Variants in CARD6 observed in about 807,000 individuals in gnomAD.
CARD6 encodes caspase recruitment domain-containing protein 6.
CARD6 carries 27 observed loss-of-function variants against 23.6 expected under a neutral mutation model. The ratio of observed to expected loss-of-function variants is 1.14; its 90% CI spans 0.84 to 1.58. The LOEUF (loss-of-function observed/expected upper bound fraction) is 1.58. Ranked by LOEUF, CARD6 falls within the 40% of genes most tolerant of loss-of-function variation. The probability of loss-of-function intolerance (pLI) is 0.00; values close to 1 mark genes in which losing one functional copy is unlikely to be tolerated. For missense variants in CARD6, 1,214 were observed against 1,209.9 expected, an observed-to-expected ratio of 1.00 and a Z score of -0.05; for synonymous variants, 397 against 431.8, an observed-to-expected ratio of 0.92 and a Z score of 1.00.
At chr5:40,842,059 T>C (rs1363700081) in intron 1 of CARD6, among the ~76,000 whole-genome samples, 1 of 152,244 alleles carries the variant, frequency 6.6e-6, no homozygotes, top group Non-Finnish European at 1.5e-5. Context: ...AGCTGTATCT[T>C]TCACTTAGTA....
At chr5:40,850,153 G>A (rs531896570) in intron 2 of CARD6, among the ~76,000 whole-genome samples, 2 of 151,982 alleles carry the variant, frequency 1.3e-5, no homozygotes, top group African/African-American at 4.8e-5. Flanking sequence ...GGTGGCTAAC[G>A]CCTGTAATCC....
chr5:40,842,929 T>C (rs1395131975), intron 1 of CARD6, among the ~76,000 whole-genome samples: 2 of 152,202 alleles, frequency 1.3e-5, no homozygotes, highest in Non-Finnish European at 2.9e-5. Context: ...TCCCAGCTAC[T>C]TGGGAGACTG....
chr5:40,851,412 A>T (rs936051971), intron 2 of CARD6, among the ~76,000 whole-genome samples: 1 of 152,186 alleles, frequency 6.6e-6, no homozygotes, highest in Non-Finnish European at 1.5e-5. Context: ...TAGAAAAAGG[A>T]TGGGAAGCAA....
At chr5:40,850,196 C>T (rs571847792) in intron 2 of CARD6, among the ~76,000 whole-genome samples, 2 of 151,868 alleles carry the variant, frequency 1.3e-5, no homozygotes, top group African/African-American at 2.4e-5. Context: ...AGGCGCATCA[C>T]GAGGTCAGGA....
intron 1 of CARD6, among the ~76,000 whole-genome samples, chr5:40,842,175 G>A (rs1376978353): frequency 6.6e-6 from 1 of 152,160 alleles, no homozygotes; most frequent in Non-Finnish European, 1.5e-5. Flanking sequence ...GTTTTCTGGA[G>A]CAATTCCAGT....
chr5:40,851,627 C>T (rs1242482920), intron 2 of CARD6, among the ~76,000 whole-genome samples: 2 of 151,896 alleles, frequency 1.3e-5, no homozygotes, highest in Non-Finnish European at 2.9e-5. Context: ...ACCAGCCTAG[C>T]CAACATGGTG....
intron 1 of CARD6, among the ~76,000 whole-genome samples, chr5:40,841,923 C>G (rs1479164390): frequency 6.6e-6 from 1 of 152,114 alleles, no homozygotes; most frequent in Non-Finnish European, 1.5e-5. Flanking sequence ...TAACAAACTG[C>G]TCATTATTCT....
chr5:40,852,165 CTCCTACA>C lies in CARD6; in HGVS notation c.842-8_842-2del. ...AACATGGCATTCACTATTATCTTCT[CTCCTACA>C]GAAAGAAAAAAGGTGTTTAAAGATG... On this transcript the variant is annotated splice_acceptor_variant and splice_polypyrimidine_tract_variant and intron_variant, in intron 2 of 2. Transcript: ENST00000254691. LOFTEE classifies it high-confidence loss of function. 5 of 1,552,760 alleles carry C rather than the reference CTCCTACA, an allele frequency of 3.2e-6. No homozygotes were observed. The highest frequency in any genetic ancestry group is 4.4e-6 in the Non-Finnish European group (5 of 1,133,572).
Position 40,853,845 on chromosome 5 carries a change from C to T in CARD6, c.2513C>T (p.Thr838Ile). Reference sequence around the variant, plus strand: ...CCTGAGAGACCACAAATGATGGGAACTCTTGAAAGGTCTAGGGCAGTAGCC... The same window carrying T: ...CCTGAGAGACCACAAATGATGGGAATTCTTGAAAGGTCTAGGGCAGTAGCC... ...ACPERPQMMG[T>I]LERSRAVASK... is the part of the protein sequence containing the mutation. The change falls in exon 3 of 3, where the codon ACT becomes ATT. Residue 838 changes from threonine to isoleucine, a missense_variant. Physicochemically the swap from Thr to Ile is moderately conservative, Grantham distance 89. Coordinates refer to ENST00000254691, the MANE Select transcript of CARD6 (RefSeq NM_032587.4). 1 of 1,614,170 alleles carries T rather than the reference C, an allele frequency of 6.2e-7. No individual in the cohort carries two copies. Among genetic ancestry groups the T allele is most frequent in the Non-Finnish European group, 8.5e-7 (1 of 1,180,028 alleles).
Position 40,852,357 on chromosome 5 carries a change from A to G in CARD6, c.1025A>G (p.Asp342Gly), listed in dbSNP as rs776373819. The change falls in exon 3 of 3, where the codon GAT becomes GGT. Residue 342 changes from aspartate (D) to glycine (G), a missense_variant. By Grantham distance (94) the Asp-to-Gly change is moderately conservative. Transcript: ENST00000254691. The stretch of plus-strand genomic sequence containing the variant: ...CAAGCACGAGATGTGACGGCTAGGG[A>G]TTCAATCCTCAGTCACAAGGTTCTG... ...KVQARDVTAR[D>G]SILSHKVLDE... 1 of 1,613,986 alleles carries G rather than the reference A, an allele frequency of 6.2e-7. No individual in the cohort carries two copies. The highest frequency in any genetic ancestry group is 1.7e-5 in the Admixed American group (1 of 59,970).
chr5:40,845,241 A>G lies in CARD6; in HGVS notation c.841+1532A>G, dbSNP rs559055276. Among the ~76,000 whole-genome samples, 7 of 152,198 alleles carry G rather than the reference A, an allele frequency of 4.6e-5. No homozygotes were observed. In the South Asian group the frequency reaches 1.4e-3, roughly 32 times the overall value. ...TGGTGGTTTGCTGGAAATCATTGACACTGCTTGGCTTGTGCAAGCATCCCT... is the reference window on the plus strand; with the variant it reads ...TGGTGGTTTGCTGGAAATCATTGACGCTGCTTGGCTTGTGCAAGCATCCCT... On this transcript the variant is annotated intron_variant, in intron 2 of 2. Coordinates refer to ENST00000254691, the MANE Select transcript of CARD6 (RefSeq NM_032587.4).
chr5:40,848,753 C>A (rs1273803588), intron 2 of CARD6, among the ~76,000 whole-genome samples: 1 of 152,104 alleles, frequency 6.6e-6, no homozygotes, highest in Non-Finnish European at 1.5e-5. Context: ...AAAATTTAGA[C>A]TCCTTTTCCA....
rs1746120095 is a variant in CARD6, at chr5:40,853,436, A to G, written c.2104A>G (p.Ile702Val). Residue 702 changes from isoleucine (I) to valine (V), a missense_variant, in exon 3 of 3, where the codon ATT becomes GTT. Transcript: ENST00000254691. ...SSSKSQALMP[I>V]QEPGTQCELS... is the part of the protein sequence containing the mutation. ...ATCTAAAAGCCAGGCTCTAATGCCA[A>G]TTCAAGAGCCTGGGACTCAATGTGA... 2 of 1,614,104 alleles carry G rather than the reference A, an allele frequency of 1.2e-6. No individual in the cohort carries two copies. The highest frequency in any genetic ancestry group is 1.3e-5 in the African/African-American group (1 of 74,948).
chr5:40,854,469 A>G lies in CARD6; in HGVS notation c.*23A>G. 6.3e-7 allele frequency: 1 copy of G among 1,577,816 alleles called. No homozygotes were observed. The highest frequency in any genetic ancestry group is 8.7e-7 in the Non-Finnish European group (1 of 1,149,048). On this transcript the variant is annotated 3_prime_UTR_variant, in exon 3 of 3. Transcript: ENST00000254691. ...TAAAGAGCTAACTCCAGAGATCTATAAAGCATATCCTTTACCCAGGCCATT... is the reference window on the plus strand; with the variant it reads ...TAAAGAGCTAACTCCAGAGATCTATGAAGCATATCCTTTACCCAGGCCATT...
At chr5:40,848,005 T>C (rs1415275653) in intron 2 of CARD6, among the ~76,000 whole-genome samples, 1 of 152,042 alleles carries the variant, frequency 6.6e-6, no homozygotes, top group Non-Finnish European at 1.5e-5. Context: ...TGCTCAGTTT[T>C]CTTTAATATT....
At chr5:40,842,043 A>G (rs1326469614) in intron 1 of CARD6, among the ~76,000 whole-genome samples, 1 of 152,244 alleles carries the variant, frequency 6.6e-6, no homozygotes, top group Non-Finnish European at 1.5e-5. Flanking sequence ...CAGTGCCAAG[A>G]CCACAAGCTG....
At chr5:40,843,093 C>T in intron 1 of CARD6, 59 bp from the exon 2 acceptor site, 1 of 1,102,668 alleles carries the variant, frequency 9.1e-7, no homozygotes, top group South Asian at 1.5e-5. Context: ...GCCTCAGGAA[C>T]TCTAGCTGTT....
At chr5:40,851,662 A>G (rs1242815987) in intron 2 of CARD6, among the ~76,000 whole-genome samples, 1 of 152,006 alleles carries the variant, frequency 6.6e-6, no homozygotes, top group Admixed American at 6.6e-5. Context: ...CTAAAAATAC[A>G]AAAATTAGCC....
chr5:40,854,292 G>A lies in CARD6; in HGVS notation c.2960G>A (p.Cys987Tyr). The change falls in exon 3 of 3, where the codon TGC becomes TAC. Residue 987 changes from cysteine to tyrosine, a missense_variant. Cys to Tyr is a radical substitution (Grantham distance 194). Transcript: ENST00000254691. ...CCCTCCCAAACTAAACCTTCTCCAT[G>A]CAAATCTACTCAGCCTAAGCCAAGC... ...SQPSQTKPSP[C>Y]KSTQPKPSQP... The A allele has an allele frequency of 6.2e-7, 1 of 1,614,030 alleles. No homozygotes were observed. The highest frequency in any genetic ancestry group is 8.5e-7 in the Non-Finnish European group (1 of 1,180,016).
Sources: gnomAD v4.1 joint callset for allele counts (sites outside exome capture counted in the v4.1 genomes callset) on GRCh38, gnomAD v4.1.1 for gene constraint, MANE v1.5 for transcripts, NCBI Gene and HGNC (gene_info 2026-07-23, HGNC 2026-07-21) for gene names.